Variants in TAF3 observed in about 807,000 individuals in gnomAD.
TAF3 encodes TATA-box binding protein associated factor 3, also known as transcription initiation factor TFIID subunit 3.
In TAF3, 7 loss-of-function variants were observed where a neutral mutation model predicts 80.6. The observed-to-expected ratio is 0.09, with a 90% CI of 0.05 to 0.16. The LOEUF is 0.16. TAF3 is among the 10% of genes least tolerant of loss of function. The probability of loss-of-function intolerance (pLI) is 1.00; values close to 1 mark genes in which losing one functional copy is unlikely to be tolerated. For missense variants in TAF3, 921 were observed against 1,140.2 expected (o/e 0.81, Z 2.77); for synonymous variants, 444 against 446.1 (o/e 1.00, Z 0.06).
At position 7,875,903 on chromosome 10, in the gene TAF3, G is replaced by T. The variant is rs193137131; in HGVS notation, c.409+51343G>T. Among the ~76,000 whole-genome samples the T allele has an allele frequency of 3.8e-3, 573 of 151,986 alleles. 4 individuals are homozygous for T. The highest frequency in any genetic ancestry group is 0.02 in the South Asian group (95 of 4,812). ...AAGAGTATTCATTTTTTTCTTGTAC[G>T]ACTAATTTTACCGACAGAAAATAAT... On this transcript the variant is annotated intron_variant, in intron 2 of 6. Transcript: ENST00000344293.
At chr10:7,854,347 G>A (rs761585412) in intron 2 of TAF3, among the ~76,000 whole-genome samples, 12 of 152,134 alleles carry the variant, frequency 7.9e-5, no homozygotes, top group Non-Finnish European at 1.5e-4. Flanking sequence ...TAAGATAACT[G>A]GAAGGAATTA....
intron 2 of TAF3, among the ~76,000 whole-genome samples, chr10:7,864,670 G>T (rs775011480): frequency 1.3e-5 from 2 of 152,022 alleles, no homozygotes; most frequent in Admixed American, 1.3e-4. Context: ...TTATTATTCA[G>T]CTGTGAAAGT....
At chr10:7,939,974 G>A (rs968317994) in intron 2 of TAF3, among the ~76,000 whole-genome samples, 2 of 152,096 alleles carry the variant, frequency 1.3e-5, no homozygotes, top group Admixed American at 1.3e-4. Flanking sequence ...GAGTCTAAAA[G>A]GTACCCATAA....
intron 2 of TAF3, among the ~76,000 whole-genome samples, chr10:7,939,981 A>G (rs1225834768): frequency 2.0e-5 from 3 of 152,242 alleles, no homozygotes; most frequent in African/African-American, 7.2e-5. Flanking sequence ...AAAGGTACCC[A>G]TAACAATGAC....
chr10:7,980,491 C>T (rs1420415436), intron 4 of TAF3, among the ~76,000 whole-genome samples: 1 of 152,166 alleles, frequency 6.6e-6, no homozygotes, highest in Non-Finnish European at 1.5e-5. Flanking sequence ...TCCAGGACCT[C>T]CTCCTGATAG....
chr10:7,974,565 G>A (rs1053649304), intron 3 of TAF3, among the ~76,000 whole-genome samples: 2 of 152,146 alleles, frequency 1.3e-5, no homozygotes, highest in Non-Finnish European at 2.9e-5. Context: ...GCCAAGTAAG[G>A]TTGGGTGAAA....
At position 8,009,270 on chromosome 10, in the gene TAF3, C is replaced by T. The variant is rs1832029270; in HGVS notation, c.2508C>T (p.Ser836=). ...TGCCCTCCCCGGGTCCCGCCGCCTCCGGGGCCAGTGCCAAAGCCCCCGTGC... is the reference window on the plus strand; with the variant it reads ...TGCCCTCCCCGGGTCCCGCCGCCTCTGGGGCCAGTGCCAAAGCCCCCGTGC... ...ALLPSPGPAA[S]GASAKAPVRS... is the part of the protein sequence containing the mutation. The change falls in exon 5 of 7, where the codon TCC becomes TCT. Residue 836 remains serine (S), a synonymous_variant. Transcript: ENST00000344293. This position sits in a 1 kb window ranked among gnomAD's most constrained non-coding sequence, Gnocchi z 4.1. The T allele has an allele frequency of 2.5e-6, 4 of 1,570,436 alleles. No individual in the cohort carries two copies. Among genetic ancestry groups the T allele is most frequent in the African/African-American group, 1.4e-5 (1 of 71,338 alleles).
At chr10:7,911,739 C>T (rs911461746) in intron 2 of TAF3, among the ~76,000 whole-genome samples, 5 of 152,126 alleles carry the variant, frequency 3.3e-5, no homozygotes, top group Admixed American at 6.5e-5. Context: ...AAAAATTTTA[C>T]GTAACAAATA....
chr10:7,976,410 C>T (rs1189449341), intron 3 of TAF3, among the ~76,000 whole-genome samples: 1 of 148,974 alleles, frequency 6.7e-6, no homozygotes, highest in Non-Finnish European at 1.5e-5. Flanking sequence ...CCATGACTGG[C>T]TAATTTTTTT....
chr10:7,957,897 A>C (rs1329990546), intron 2 of TAF3, among the ~76,000 whole-genome samples: 1 of 151,722 alleles, frequency 6.6e-6, no homozygotes, highest in Non-Finnish European at 1.5e-5. Context: ...CCTGTGACCC[A>C]AATTTTTTTT....
At chr10:7,862,266 T>C (rs1210773539) in intron 2 of TAF3, among the ~76,000 whole-genome samples, 1 of 152,194 alleles carries the variant, frequency 6.6e-6, no homozygotes, top group African/African-American at 2.4e-5. Flanking sequence ...TGGATCAAAG[T>C]TTTCTGTTTT....
chr10:7,866,251 C>G (rs1837213871), intron 2 of TAF3, among the ~76,000 whole-genome samples: 2 of 152,200 alleles, frequency 1.3e-5, no homozygotes, highest in Non-Finnish European at 2.9e-5. Context: ...GGGGATGGAG[C>G]AGTCAATAAA....
At chr10:7,830,527 AGGCTGGAGTGCAGT>A (rs1301854627) in intron 2 of TAF3, among the ~76,000 whole-genome samples, 3 of 110,388 alleles carry the variant, frequency 2.7e-5, no homozygotes, top group Non-Finnish European at 5.0e-5. Flanking sequence ...TCTGTCACCC[AGGCTGGAGTGCAGT>A]GGCGCAATCT....
At chr10:8,006,953 C>G (rs1382077858) in intron 4 of TAF3, among the ~76,000 whole-genome samples, 1 of 152,126 alleles carries the variant, frequency 6.6e-6, no homozygotes, top group Non-Finnish European at 1.5e-5. Flanking sequence ...AAAAACAAGG[C>G]CTAAAGAATT....
intron 2 of TAF3, among the ~76,000 whole-genome samples, chr10:7,934,419 C>T (rs985919378): frequency 6.6e-6 from 1 of 151,972 alleles, no homozygotes; most frequent in Non-Finnish European, 1.5e-5. Flanking sequence ...AATGTCCTTC[C>T]ATTCTTTTAT....
chr10:7,956,740 T>C (rs1838139575), intron 2 of TAF3, among the ~76,000 whole-genome samples: 1 of 152,186 alleles, frequency 6.6e-6, no homozygotes, highest in Admixed American at 6.5e-5. Flanking sequence ...ATACCAGACA[T>C]GCAAAACATT....
At chr10:7,917,307 C>G (rs545931033) in intron 2 of TAF3, among the ~76,000 whole-genome samples, 1 of 152,144 alleles carries the variant, frequency 6.6e-6, no homozygotes, top group African/African-American at 2.4e-5. Flanking sequence ...TGAAGCAAAT[C>G]GAAGGGAAGA....
At chr10:7,856,332 C>G (rs576604859) in intron 2 of TAF3, among the ~76,000 whole-genome samples, 11 of 151,736 alleles carry the variant, frequency 7.2e-5, no homozygotes, top group Non-Finnish European at 7.4e-5. Flanking sequence ...AAAAATTAGC[C>G]AGGAGTGGTG....
chr10:7,917,320 T>G (rs999770326), intron 2 of TAF3, among the ~76,000 whole-genome samples: 5 of 152,070 alleles, frequency 3.3e-5, no homozygotes, highest in Admixed American at 6.5e-5. Context: ...AGGGAAGAAG[T>G]CCACATGGAT....
Sources: gnomAD v4.1 joint callset for allele counts (sites outside exome capture counted in the v4.1 genomes callset) on GRCh38, gnomAD v4.1.1 for gene constraint, Gnocchi (gnomAD v3.1) non-coding constraint, MANE v1.5 for transcripts, NCBI Gene and HGNC (gene_info 2026-07-23, HGNC 2026-07-21) for gene names.